The following PCDHA2 variants were observed in gnomAD, a reference collection of about 807,000 sequenced individuals.
The protein encoded by PCDHA2 is protocadherin alpha 2, also known as protocadherin alpha-2.
PCDHA2 carries 58 observed loss-of-function variants against 66.0 expected under a neutral mutation model. The ratio of observed to expected loss-of-function variants is 0.88; its 90% CI spans 0.71 to 1.09. The LOEUF is 1.09. Among genes scored for constraint, PCDHA2 ranks in the 50% least tolerant of loss-of-function variants. The pLI is 0.00. For synonymous variants in PCDHA2, 634 were observed against 554.0 expected, an observed-to-expected ratio of 1.14 and a Z score of -2.03; for missense variants, 1,267 against 1,242.3, an observed-to-expected ratio of 1.02 and a Z score of -0.30.
intron 1 of PCDHA2, chr5:140,824,025 G>C: frequency 1.2e-6 from 2 of 1,614,138 alleles, no homozygotes; most frequent in Non-Finnish European, 1.7e-6. Flanking sequence ...GGTCGTACTC[G>C]CAGCAGAGGA....
intron 1 of PCDHA2, chr5:140,856,086 T>C (rs1554148156): frequency 1.9e-6 from 3 of 1,596,442 alleles, no homozygotes; most frequent in Non-Finnish European, 2.6e-6. Flanking sequence ...GTCCAGTGTC[T>C]GCTGCTCTCG....
chr5:140,858,677 T>C (rs1480959792), intron 1 of PCDHA2: 2 of 629,026 alleles, frequency 3.2e-6, no homozygotes, highest in South Asian at 4.5e-5. Flanking sequence ...TTATTCTGAA[T>C]ACACTAATAT....
chr5:140,829,492 C>T, intron 1 of PCDHA2: 4 of 1,613,696 alleles, frequency 2.5e-6, no homozygotes, highest in Middle Eastern at 1.7e-4. Flanking sequence ...TGAAGGAGAA[C>T]AACCCGCCGG....
rs1554119963 is a variant in PCDHA2 at position 140,796,540 on chromosome 5, G to A, written c.1576G>A (p.Glu526Lys). The change falls in exon 1 of 4, where the codon GAG becomes AAG. Residue 526 changes from glutamate (E) to lysine (K), a missense_variant. Glu to Lys is a moderately conservative substitution (Grantham distance 56). Coordinates refer to ENST00000526136, the MANE Select transcript of PCDHA2 (RefSeq NM_018905.3). Reference protein sequence around the residue: ...KVYALQPLDHEEVELLQFQVS... With the variant: ...KVYALQPLDHKEVELLQFQVS... ...GTACGCGCTGCAGCCGCTGGACCAC[G>A]AGGAAGTGGAGCTGCTGCAGTTCCA... 3 of 1,612,922 alleles carry A rather than the reference G, an allele frequency of 1.9e-6. No homozygotes were observed. Among genetic ancestry groups the A allele is most frequent in the Admixed American group, 3.3e-5 (2 of 60,022 alleles).
chr5:140,877,335 G>T, intron 1 of PCDHA2: 2 of 1,613,978 alleles, frequency 1.2e-6, no homozygotes, highest in Non-Finnish European at 1.7e-6. Context: ...CGCACATCCC[G>T]TTCCACGTGG....
At chr5:140,982,041 A>C (rs1450726743) in intron 2 of PCDHA2, among the ~76,000 whole-genome samples, 2 of 152,268 alleles carry the variant, frequency 1.3e-5, no homozygotes, top group Non-Finnish European at 2.9e-5. Context: ...TCCAATTATC[A>C]GAAAATATTT....
intron 1 of PCDHA2, chr5:140,809,326 C>A: frequency 1.2e-6 from 2 of 1,614,112 alleles, no homozygotes; most frequent in Non-Finnish European, 1.7e-6. Context: ...TTTTGGTGCT[C>A]ACGCTGCTGC....
intron 3 of PCDHA2, among the ~76,000 whole-genome samples, chr5:141,008,171 G>A (rs1441350888): frequency 6.6e-6 from 1 of 152,148 alleles, no homozygotes; most frequent in African/African-American, 2.4e-5. Flanking sequence ...GGACTAAAAT[G>A]TGACCATTGA....
At chr5:140,807,452 C>A in intron 1 of PCDHA2, 1 of 1,607,216 alleles carries the variant, frequency 6.2e-7, no homozygotes, top group South Asian at 1.1e-5. Flanking sequence ...TGTGAATTCT[C>A]GGATCGACCG....
At chr5:140,809,211 C>T (rs1554125084) in intron 1 of PCDHA2, 3 of 1,614,048 alleles carry the variant, frequency 1.9e-6, no homozygotes, top group South Asian at 1.1e-5. Flanking sequence ...AGTGGACAGG[C>T]GCCAAAGGCC....
At position 140,836,104 on chromosome 5, in the gene PCDHA2, G is replaced by C. The variant is rs2150252946; in HGVS notation, c.2388+38752G>C. The C allele has an allele frequency of 9.3e-6, 15 of 1,613,730 alleles. 1 individual carries two copies. In the South Asian group the frequency reaches 1.4e-4, roughly 15 times the overall value. ...CTGGCGCCTCGGGTGGGTGGCACTG[G>C]TGGCGCAGTGAGAGAGCTTGTGCCG... is the stretch of plus-strand genomic sequence containing the variant. On this transcript the variant is annotated intron_variant, in intron 1 of 3. Transcript: ENST00000526136.
chr5:140,903,317 A>G (rs1364222131), intron 1 of PCDHA2, among the ~76,000 whole-genome samples: 1 of 152,204 alleles, frequency 6.6e-6, no homozygotes, highest in African/African-American at 2.4e-5. Context: ...TAAAGACAGC[A>G]TTTTTATTGA....
chr5:140,866,149 T>C (rs1554160036), intron 1 of PCDHA2: 1 of 152,130 alleles, frequency 6.6e-6, no homozygotes, highest in Non-Finnish European at 1.5e-5. Flanking sequence ...GGAAGTGATA[T>C]AAGTAAGAAT....
At chr5:140,871,192 G>GTGTACC (rs1171954428) in intron 1 of PCDHA2, 40 of 1,613,550 alleles carry the variant, frequency 2.5e-5, no homozygotes, top group Non-Finnish European at 3.1e-5. Context: ...GGATGTCAAC[G>GTGTACC]TGTACCTGAT....
chr5:140,822,267 T>A, intron 1 of PCDHA2: 1 of 1,614,250 alleles, frequency 6.2e-7, no homozygotes, highest in Non-Finnish European at 8.5e-7. Flanking sequence ...TTGGAGCAAA[T>A]GCACAATTGA....
At chr5:140,989,890 G>A (rs368567650) in intron 3 of PCDHA2, among the ~76,000 whole-genome samples, 5 of 151,974 alleles carry the variant, frequency 3.3e-5, no homozygotes, top group Middle Eastern at 3.4e-3. Context: ...TGGAGTCTCC[G>A]TTATTCACAA....
chr5:140,954,102 A>G (rs2094980163), intron 1 of PCDHA2, among the ~76,000 whole-genome samples: 1 of 152,186 alleles, frequency 6.6e-6, no homozygotes, highest in South Asian at 2.1e-4. Flanking sequence ...TGTCCCTGCA[A>G]AGGACAAGAT....
rs1320203097 is a variant in PCDHA2 at position 140,848,970 on chromosome 5, G to C, written c.2388+51618G>C. ...TCGGTTTCCACTAGAGGGCGCGTCC[G>C]ATGCAGATATCGGGGAGAACGCCCT... On this transcript the variant is annotated intron_variant, in intron 1 of 3. Transcript: ENST00000526136. 3.7e-5 allele frequency: 60 copies of C among 1,602,546 alleles called. 1 individual carries two copies. The highest frequency in any genetic ancestry group is 5.0e-5 in the Non-Finnish European group (59 of 1,173,282).
At chr5:140,984,177 A>G (rs1337365733) in intron 3 of PCDHA2, among the ~76,000 whole-genome samples, 3 of 152,190 alleles carry the variant, frequency 2.0e-5, no homozygotes, top group Non-Finnish European at 4.4e-5. Context: ...AAGCCACGTG[A>G]AATCATGACT....
Sources: allele counts gnomAD v4.1 joint callset (sites outside exome capture counted in the v4.1 genomes callset), GRCh38; gene constraint gnomAD v4.1.1; transcripts MANE v1.5; gene names NCBI Gene and HGNC (gene_info 2026-07-23, HGNC 2026-07-21).